Variants in NRG1 observed in about 807,000 individuals in gnomAD.
NRG1 encodes the protein pro-neuregulin-1, membrane-bound isoform.
A neutral mutation model predicts 63.8 loss-of-function variants in NRG1; 18 were observed. The ratio of observed to expected loss-of-function variants is 0.28; its 90% CI spans 0.19 to 0.42. NRG1 has a LOEUF of 0.42. NRG1 is among the 10% of genes least tolerant of loss of function. The pLI, the probability that NRG1 is intolerant of heterozygous loss-of-function variation, is 1.00. For synonymous variants in NRG1, 302 were observed against 301.3 expected, an observed-to-expected ratio of 1.00 and a Z score of -0.02; for missense variants, 762 against 814.7, an observed-to-expected ratio of 0.94 and a Z score of 0.79.
chr8:31,718,828 G>A (rs1178952959), intron 1 of NRG1, among the ~76,000 whole-genome samples: 1 of 152,160 alleles, frequency 6.6e-6, no homozygotes, highest in African/African-American at 2.4e-5. Context: ...AGATATATAT[G>A]TGATGATTAA....
chr8:32,392,612 A>G (rs904958024), intron 1 of NRG1, among the ~76,000 whole-genome samples: 2 of 152,152 alleles, frequency 1.3e-5, no homozygotes, highest in Non-Finnish European at 1.5e-5. Context: ...ATTTTATATG[A>G]AAGATTCCTA....
intron 1 of NRG1, among the ~76,000 whole-genome samples, chr8:31,692,075 C>A (rs1809588034): frequency 6.6e-6 from 1 of 152,132 alleles, no homozygotes; most frequent in African/African-American, 2.4e-5. Context: ...TCAAGCAATC[C>A]CCCTGCTTAG....
chr8:32,383,579 C>T (rs992903855), intron 1 of NRG1, among the ~76,000 whole-genome samples: 4 of 152,194 alleles, frequency 2.6e-5, no homozygotes, highest in African/African-American at 9.7e-5. Context: ...CCCTGAGCTC[C>T]CACCCTTTTG....
intron 1 of NRG1, among the ~76,000 whole-genome samples, chr8:32,072,317 T>G (rs1286327313): frequency 1.3e-5 from 2 of 151,118 alleles, no homozygotes; most frequent in Non-Finnish European, 2.9e-5. Context: ...AAGAGGCCCT[T>G]AGTCATTCTG....
intron 1 of NRG1, among the ~76,000 whole-genome samples, chr8:32,435,683 G>A (rs1233193478): frequency 6.6e-6 from 1 of 152,026 alleles, no homozygotes; most frequent in South Asian, 2.1e-4. Flanking sequence ...CAGCAAAAAC[G>A]TTACCAGGCA....
intron 1 of NRG1, among the ~76,000 whole-genome samples, chr8:32,495,884 C>T (rs554363156): frequency 6.6e-6 from 1 of 152,330 alleles, no homozygotes; most frequent in Admixed American, 6.5e-5. Flanking sequence ...GTGACCTTCC[C>T]AGTCCAGTCT....
intron 1 of NRG1, among the ~76,000 whole-genome samples, chr8:32,258,387 C>A (rs996383716): frequency 1.3e-5 from 2 of 152,196 alleles, no homozygotes; most frequent in African/African-American, 2.4e-5. Context: ...CTTCTAAGAA[C>A]TCATTTATTC....
intron 1 of NRG1, among the ~76,000 whole-genome samples, chr8:32,209,159 T>C (rs147185891): frequency 6.6e-5 from 10 of 152,310 alleles, no homozygotes; most frequent in African/African-American, 2.4e-4. Context: ...ACCAAAGTTA[T>C]AGATATCTTA....
chr8:31,822,321 A>AT (rs1013933658), intron 1 of NRG1, among the ~76,000 whole-genome samples: 21 of 151,338 alleles, frequency 1.4e-4, no homozygotes, highest in African/African-American at 3.6e-4. Context: ...GGATGCTCAC[A>AT]TTTTTTTTTC....
intron 1 of NRG1, among the ~76,000 whole-genome samples, chr8:32,341,101 T>C (rs1370055060): frequency 6.6e-6 from 1 of 152,218 alleles, no homozygotes; most frequent in Non-Finnish European, 1.5e-5. Context: ...CTACATCTTT[T>C]TCCTGTATCT....
chr8:32,579,506 A>T (rs1014677950), intron 1 of NRG1, among the ~76,000 whole-genome samples: 2 of 152,148 alleles, frequency 1.3e-5, no homozygotes, highest in African/African-American at 4.8e-5. Context: ...TTCCACCTCC[A>T]TTCCTCAGCT....
At chr8:31,754,906 G>A in intron 1 of NRG1, among the ~76,000 whole-genome samples, 1 of 152,114 alleles carries the variant, frequency 6.6e-6, no homozygotes, top group East Asian at 1.9e-4. Context: ...AGGCACTGGA[G>A]TGGGGGTTGA....
intron 1 of NRG1, among the ~76,000 whole-genome samples, chr8:32,404,508 A>C (rs1813679389): frequency 6.7e-6 from 1 of 148,902 alleles, no homozygotes; most frequent in African/African-American, 2.5e-5. Context: ...TCACACCTCC[A>C]TTTCAACCCC....
chr8:32,330,780 A>G lies in NRG1; in HGVS notation c.38-265048A>G, dbSNP rs533445011. Among the ~76,000 whole-genome samples, 3 of 152,312 alleles carry G rather than the reference A, an allele frequency of 2.0e-5. No homozygotes were observed. The East Asian group carries it at 5.8e-4, about 29-fold the overall frequency. Reference sequence around the variant, plus strand: ...CCTTAAGGCTGGATCTGGGCCACGGACCATGGCACTCACTGCCATATTCAC... The same window carrying G: ...CCTTAAGGCTGGATCTGGGCCACGGGCCATGGCACTCACTGCCATATTCAC... On this transcript the variant is annotated intron_variant, in intron 1 of 10. Coordinates refer to the NRG1 transcript ENST00000519301.
intron 1 of NRG1, among the ~76,000 whole-genome samples, chr8:31,667,303 AG>A (rs1269219218): frequency 7.2e-5 from 11 of 152,216 alleles, no homozygotes; most frequent in African/African-American, 2.7e-4. Context: ...ATAAGCAAAT[AG>A]GGTGCCAGAG....
intron 1 of NRG1, among the ~76,000 whole-genome samples, chr8:32,154,250 A>G (rs950586209): frequency 1.3e-5 from 2 of 151,762 alleles, no homozygotes; most frequent in Admixed American, 6.6e-5. Flanking sequence ...CTACCTCTTC[A>G]TTTTTCCTTT....
chr8:32,099,491 C>A (rs1244665006), intron 1 of NRG1: 2 of 151,982 alleles, frequency 1.3e-5, no homozygotes, highest in Non-Finnish European at 2.9e-5. Flanking sequence ...AAGAACATGC[C>A]CTGGATATAA....
intron 1 of NRG1, among the ~76,000 whole-genome samples, chr8:32,469,860 T>A (rs6468105): frequency 0.62 from 94,138 of 151,632 alleles, 29,451 homozygotes; most frequent in East Asian, 0.8. Context: ...AAGGACTTTT[T>A]TGTTTGTTTG....
At chr8:31,920,484 T>G (rs898743584) in intron 1 of NRG1, among the ~76,000 whole-genome samples, 18 of 152,158 alleles carry the variant, frequency 1.2e-4, no homozygotes, top group African/African-American at 4.1e-4. Flanking sequence ...CTGGCATGGT[T>G]TCATTGCCAA....
Sources: allele counts gnomAD v4.1 joint callset (sites outside exome capture counted in the v4.1 genomes callset), GRCh38; gene constraint gnomAD v4.1.1; transcripts MANE v1.5; gene names NCBI Gene and HGNC (gene_info 2026-07-23, HGNC 2026-07-21).